Variants in COL21A1 observed in about 807,000 individuals in gnomAD.
The protein encoded by COL21A1 is collagen type XXI alpha 1 chain, also known as collagen alpha-1(XXI) chain.
COL21A1 carries 149 observed loss-of-function variants against 137.9 expected under a neutral mutation model. The observed-to-expected ratio is 1.08, with a 90% CI of 0.95 to 1.24. COL21A1 has a LOEUF of 1.24. Among genes scored for constraint, COL21A1 ranks in the 50% most tolerant of loss-of-function variants. The probability of loss-of-function intolerance (pLI) is 0.00; values close to 1 mark genes in which losing one functional copy is unlikely to be tolerated. For synonymous variants in COL21A1, 456 were observed against 391.5 expected, an observed-to-expected ratio of 1.16 and a Z score of -1.95; for missense variants, 1,167 against 1,158.4, an observed-to-expected ratio of 1.01 and a Z score of -0.11.
At chr6:56,065,812 C>G (rs1390558873) in intron 23 of COL21A1, among the ~76,000 whole-genome samples, 1 of 151,792 alleles carries the variant, frequency 6.6e-6, no homozygotes, top group Non-Finnish European at 1.5e-5. Context: ...ATGTGTGGGG[C>G]ACGATTAAAG....
chr6:56,258,608 T>A (rs1312625291), intron 1 of COL21A1, among the ~76,000 whole-genome samples: 1 of 152,138 alleles, frequency 6.6e-6, no homozygotes, highest in African/African-American at 2.4e-5. Flanking sequence ...CCCACACACA[T>A]GCACTCTATT....
intron 26 of COL21A1, 48 bp from the exon 27 acceptor site, chr6:56,060,843 C>A (rs1255718760): frequency 6.3e-7 from 1 of 1,583,430 alleles, no homozygotes; most frequent in African/African-American, 1.4e-5. Context: ...AGAACATGAG[C>A]AAAAATCAAT....
At chr6:56,385,577 A>G (rs1209994962) in intron 1 of COL21A1, among the ~76,000 whole-genome samples, 1 of 152,146 alleles carries the variant, frequency 6.6e-6, no homozygotes, top group Non-Finnish European at 1.5e-5. Flanking sequence ...TAAAATCCAC[A>G]TAACATAAAA....
chr6:56,377,361 T>C (rs2094001271), intron 1 of COL21A1, among the ~76,000 whole-genome samples: 1 of 152,072 alleles, frequency 6.6e-6, no homozygotes, highest in African/African-American at 2.4e-5. Context: ...CTCCCCCATT[T>C]TCCCCCTTCC....
intron 1 of COL21A1, among the ~76,000 whole-genome samples, chr6:56,322,935 T>C (rs1045353590): frequency 6.6e-6 from 1 of 151,074 alleles, no homozygotes. Context: ...TTTTAAATTT[T>C]CAAGTTTTTT....
intron 17 of COL21A1, among the ~76,000 whole-genome samples, chr6:56,079,840 TC>T (rs1767591692): frequency 6.6e-6 from 1 of 151,618 alleles, no homozygotes; most frequent in African/African-American, 2.4e-5. Context: ...AATTATTACT[TC>T]TTTTACAAAT....
rs564678651 is a variant in COL21A1, at chr6:56,057,868, G to A, written c.2687-24C>T. 4.5e-5 allele frequency: 66 copies of A among 1,459,522 alleles called. No homozygotes were observed. In the East Asian group the frequency reaches 8.8e-4, roughly 20 times the overall value. 90.4% of individuals were successfully genotyped at this position (1,459,522 alleles called of 1,614,324 possible). A position where few individuals can be genotyped will look rare whatever the true frequency, so the allele number is the denominator to read the frequency against. On this transcript the variant is annotated intron_variant, in intron 29 of 29. Coordinates refer to ENST00000244728, the MANE Select transcript of COL21A1 (RefSeq NM_030820.4). ...ACCTAAGATGGGACATTGGCAAGAC[G>A]TAAACAGAGGACTTTAGTTTTTTAT...
chr6:56,139,625 A>C (rs1354695664), intron 12 of COL21A1, among the ~76,000 whole-genome samples: 1 of 152,196 alleles, frequency 6.6e-6, no homozygotes, highest in Non-Finnish European at 1.5e-5. Context: ...TACCACTAAC[A>C]TACTGTTTTA....
At chr6:56,239,531 T>A (rs1425743013) in intron 1 of COL21A1, among the ~76,000 whole-genome samples, 1 of 152,124 alleles carries the variant, frequency 6.6e-6, no homozygotes, top group Non-Finnish European at 1.5e-5. Flanking sequence ...CATATAAACA[T>A]GATTTCCAAC....
intron 1 of COL21A1, among the ~76,000 whole-genome samples, chr6:56,227,229 C>A: frequency 6.6e-6 from 1 of 151,954 alleles, no homozygotes; most frequent in East Asian, 1.9e-4. Flanking sequence ...ATAATAGAAA[C>A]AAAAATGAAT....
chr6:56,225,949 G>C (rs1358690854), intron 1 of COL21A1: 1 of 151,984 alleles, frequency 6.6e-6, no homozygotes. Context: ...TAATCACAGA[G>C]CATCCTGTCT....
chr6:56,057,964 T>A, intron 29 of COL21A1, 120 bp from the exon 30 acceptor site: 1 of 661,672 alleles, frequency 1.5e-6, no homozygotes, highest in Non-Finnish European at 2.4e-6. Context: ...ATATTTGCAC[T>A]AATTATATAG....
intron 17 of COL21A1, chr6:56,078,165 G>A (rs1351798944): frequency 1.8e-5 from 8 of 455,666 alleles, no homozygotes; most frequent in East Asian, 1.4e-4. Flanking sequence ...ACTCTTTCAC[G>A]TGGCTGAACT....
At chr6:56,234,677 A>G (rs1781790330) in intron 1 of COL21A1, among the ~76,000 whole-genome samples, 1 of 151,502 alleles carries the variant, frequency 6.6e-6, no homozygotes, top group South Asian at 2.1e-4. Context: ...AAGACTAATG[A>G]CCTCCTCATT....
intron 1 of COL21A1, among the ~76,000 whole-genome samples, chr6:56,283,083 A>G (rs994182609): frequency 6.6e-6 from 1 of 152,214 alleles, no homozygotes; most frequent in East Asian, 1.9e-4. Context: ...CATTCAAAAA[A>G]ATTTTAAGTA....
chr6:56,126,721 T>A (rs1773075988), intron 12 of COL21A1: 1 of 152,252 alleles, frequency 6.6e-6, no homozygotes, highest in Non-Finnish European at 1.5e-5. Flanking sequence ...ATAAGTTTAG[T>A]ACTTAGTTCA....
chr6:56,076,380 A>G (rs1045318791), intron 18 of COL21A1, among the ~76,000 whole-genome samples: 1 of 151,510 alleles, frequency 6.6e-6, no homozygotes, highest in African/African-American at 2.4e-5. Context: ...AGACAGCAAG[A>G]TACAGGAATG....
intron 1 of COL21A1, among the ~76,000 whole-genome samples, chr6:56,221,578 A>G (rs1000047398): frequency 6.6e-6 from 1 of 152,124 alleles, no homozygotes; most frequent in African/African-American, 2.4e-5. Context: ...TTTAAAAGTT[A>G]GCTGACTGTC....
intron 1 of COL21A1, among the ~76,000 whole-genome samples, chr6:56,266,334 G>T (rs1763389581): frequency 6.6e-6 from 1 of 152,178 alleles, no homozygotes; most frequent in Admixed American, 6.5e-5. Context: ...CCAAATCTAG[G>T]CTGGTACCTG....
Sources: gnomAD v4.1 joint callset for allele counts (sites outside exome capture counted in the v4.1 genomes callset) on GRCh38, gnomAD v4.1.1 for gene constraint, MANE v1.5 for transcripts, NCBI Gene and HGNC (gene_info 2026-07-23, HGNC 2026-07-21) for gene names.